CYSLTR2: variants seen among roughly 807,000 people sequenced by gnomAD.
The protein encoded by CYSLTR2 is G-protein coupled receptor GPCR21.
For synonymous variants in CYSLTR2, 179 were observed against 160.8 expected (o/e 1.11, Z -0.86); for missense variants, 398 against 411.9 (o/e 0.97, Z 0.29).
rs143922958 is a variant in CYSLTR2 at position 48,709,071 on chromosome 13, A to G, written c.*1213A>G. ...TTTACAGCTGAAGAAATTGAAGCTTAGAGAAATTAAGAAGCTTGTTTAAGT... is the reference window on the plus strand; with the variant it reads ...TTTACAGCTGAAGAAATTGAAGCTTGGAGAAATTAAGAAGCTTGTTTAAGT... On this transcript the variant is annotated 3_prime_UTR_variant, in exon 5 of 5. Coordinates refer to ENST00000682523, the MANE Select transcript of CYSLTR2 (RefSeq NM_001308476.3). The G allele has an allele frequency of 8.2e-4, 137 of 167,248 alleles. No individual in the cohort carries two copies. Among genetic ancestry groups the G allele is most frequent in the African/African-American group, 3.2e-3 (133 of 41,594 alleles). The allele number at this position is 167,248 out of a possible 1,614,324, so 10.4% of individuals were successfully genotyped here. A position where few individuals can be genotyped will look rare whatever the true frequency, so the allele number is the denominator to read the frequency against.
At position 48,668,245 on chromosome 13, in the gene CYSLTR2, AAG is replaced by A. The variant is rs1487442036; in HGVS notation, c.-266+14234_-266+14235del. ...AAGTGCCATAGGGATAAAAAAAAAAAAGAGAGACCCACGGGAAATGTCAGTTG... is the reference window on the plus strand; with the variant it reads ...AAGTGCCATAGGGATAAAAAAAAAAAAGAGACCCACGGGAAATGTCAGTTG... On this transcript the variant is annotated intron_variant, in intron 1 of 4. Transcript: ENST00000682523. 3.9e-4 allele frequency among the ~76,000 whole-genome samples: 60 copies of A among 152,190 alleles called. 1 individual carries two copies. The highest frequency in any genetic ancestry group is 3.6e-3 in the Admixed American group (55 of 15,292).
At chr13:48,696,396 T>C (rs1012060223) in intron 3 of CYSLTR2, 130 bp from the exon 4 acceptor site, 3 of 152,208 alleles carry the variant, frequency 2.0e-5, no homozygotes, top group African/African-American at 7.2e-5. Flanking sequence ...AAATTTATCA[T>C]CTTGACAAGC....
intron 1 of CYSLTR2, among the ~76,000 whole-genome samples, chr13:48,669,905 G>C (rs1382641402): frequency 6.6e-6 from 1 of 152,210 alleles, no homozygotes; most frequent in Non-Finnish European, 1.5e-5. Flanking sequence ...CAGTGTAAAA[G>C]CATTCCTATT....
At chr13:48,669,409 T>A (rs1217963381) in intron 1 of CYSLTR2, among the ~76,000 whole-genome samples, 3 of 152,146 alleles carry the variant, frequency 2.0e-5, no homozygotes, top group African/African-American at 7.2e-5. Context: ...GTATTTCTCC[T>A]AATGCTATCC....
intron 1 of CYSLTR2, among the ~76,000 whole-genome samples, chr13:48,686,370 T>C (rs1381521097): frequency 6.6e-6 from 1 of 152,182 alleles, no homozygotes; most frequent in African/African-American, 2.4e-5. Flanking sequence ...TTGCACACCA[T>C]TGGAAATTGC....
intron 1 of CYSLTR2, among the ~76,000 whole-genome samples, chr13:48,690,203 G>C (rs1954003383): frequency 2.6e-5 from 4 of 152,180 alleles, no homozygotes; most frequent in Admixed American, 6.5e-5. Flanking sequence ...TGCAAACACA[G>C]ACAATTTGAC....
intron 4 of CYSLTR2, among the ~76,000 whole-genome samples, chr13:48,704,499 C>T (rs1189651958): frequency 1.3e-5 from 2 of 150,716 alleles, no homozygotes; most frequent in Non-Finnish European, 3.0e-5. Flanking sequence ...TCTTTACTAT[C>T]TCCTTCCTTT....
In CYSLTR2 at chr13:48,658,081, G is replaced by C. The variant is rs570574613; in HGVS notation, c.-266+4064G>C. 5.9e-5 allele frequency among the ~76,000 whole-genome samples: 9 copies of C among 152,192 alleles called. No individual in the cohort carries two copies. In the South Asian group the frequency reaches 1.7e-3, roughly 28 times the overall value. ...TGTAAATTCACTGAGAGATATGAAGGTGACTCCCTTTTAGTTGTAAGAGGC... is the reference window on the plus strand; with the variant it reads ...TGTAAATTCACTGAGAGATATGAAGCTGACTCCCTTTTAGTTGTAAGAGGC... On this transcript the variant is annotated intron_variant, in intron 1 of 4. Transcript: ENST00000682523.
chr13:48,695,068 A>ATGTTTTTTTT (rs1954136661), intron 3 of CYSLTR2, among the ~76,000 whole-genome samples: 1 of 71,606 alleles, frequency 1.4e-5, no homozygotes, highest in Non-Finnish European at 2.5e-5. Flanking sequence ...AGAACCTGGC[A>ATGTTTTTTTT]TTTTTTTTTT....
At chr13:48,664,106 A>G (rs899004613) in intron 1 of CYSLTR2, among the ~76,000 whole-genome samples, 2 of 151,930 alleles carry the variant, frequency 1.3e-5, no homozygotes, top group Admixed American at 6.6e-5. Context: ...CTTTCACTCT[A>G]TTGATGTGAT....
At chr13:48,690,465 G>T (rs939888060) in intron 1 of CYSLTR2, among the ~76,000 whole-genome samples, 8 of 152,058 alleles carry the variant, frequency 5.3e-5, no homozygotes, top group African/African-American at 1.9e-4. Context: ...TAGCATAAAG[G>T]GGTGTTGAAT....
At chr13:48,681,396 C>T (rs977862270) in intron 1 of CYSLTR2, among the ~76,000 whole-genome samples, 11 of 152,112 alleles carry the variant, frequency 7.2e-5, no homozygotes, top group African/African-American at 2.7e-4. Context: ...ATTCAGAATT[C>T]GGGACTCACA....
In CYSLTR2 at chr13:48,710,448, T is replaced by C. The variant is rs1024833715; in HGVS notation, c.*2590T>C. 4 of 152,250 alleles carry C rather than the reference T, an allele frequency of 2.6e-5. No homozygotes were observed. Among genetic ancestry groups the C allele is most frequent in the Admixed American group, 1.3e-4 (2 of 15,286 alleles). 9.4% of individuals were successfully genotyped at this position (152,250 alleles called of 1,614,324 possible). ...AGTGCTTGTGTTAAAGTCACTCTTA[T>C]TTTACTTACTAATGTCCCCAAAGCA... On this transcript the variant is annotated 3_prime_UTR_variant, in exon 5 of 5. Transcript: ENST00000682523.
intron 1 of CYSLTR2, among the ~76,000 whole-genome samples, chr13:48,689,818 A>G (rs1232640463): frequency 6.6e-6 from 1 of 152,158 alleles, no homozygotes; most frequent in Admixed American, 6.6e-5. Context: ...TGATGGGCAT[A>G]GCACTGAATG....
chr13:48,656,469 C>T (rs563378218), intron 1 of CYSLTR2, among the ~76,000 whole-genome samples: 4 of 152,220 alleles, frequency 2.6e-5, no homozygotes, highest in South Asian at 2.1e-4. Flanking sequence ...GAAGCTCAGA[C>T]GGCTGCAGTA....
rs575721313 is a variant in CYSLTR2 at position 48,697,296 on chromosome 13, C to T, written c.-2+670C>T. On this transcript the variant is annotated intron_variant, in intron 4 of 4. Transcript: ENST00000682523. ...ACTGACACCTCATACAGCTGGGTGA[C>T]CCTCTGAGATGAAGCTTCCAGAGGA... Among the ~76,000 whole-genome samples the T allele has an allele frequency of 2.0e-5, 3 of 152,268 alleles. No homozygotes were observed. The South Asian group carries it at 6.2e-4, about 32-fold the overall frequency.
At chr13:48,658,508 C>T (rs966671112) in intron 1 of CYSLTR2, among the ~76,000 whole-genome samples, 2 of 152,188 alleles carry the variant, frequency 1.3e-5, no homozygotes, top group Non-Finnish European at 2.9e-5. Flanking sequence ...GCAGTAGACA[C>T]GTGCTTGCCT....
At chr13:48,678,722 C>A (rs1056909911) in intron 1 of CYSLTR2, among the ~76,000 whole-genome samples, 1 of 152,146 alleles carries the variant, frequency 6.6e-6, no homozygotes, top group Non-Finnish European at 1.5e-5. Context: ...TTCATAGGTT[C>A]CTTTTATTAA....
intron 1 of CYSLTR2, among the ~76,000 whole-genome samples, chr13:48,681,941 G>C (rs1324342435): frequency 6.6e-6 from 1 of 152,076 alleles, no homozygotes; most frequent in Non-Finnish European, 1.5e-5. Flanking sequence ...CAGAATCTTG[G>C]CTTTAAAGTT....
Sources: allele counts gnomAD v4.1 joint callset (sites outside exome capture counted in the v4.1 genomes callset), GRCh38; gene constraint gnomAD v4.1.1; transcripts MANE v1.5; gene names NCBI Gene and HGNC (gene_info 2026-07-23, HGNC 2026-07-21).